The following PLXNA4 variants were observed in gnomAD, a reference collection of about 807,000 sequenced individuals.
PLXNA4 encodes the protein plexin-A4.
In PLXNA4, 44 loss-of-function variants were observed where a neutral mutation model predicts 191.8. The observed-to-expected ratio is 0.23, with a 90% CI of 0.18 to 0.29. PLXNA4 has a LOEUF of 0.29. Ranked by LOEUF, PLXNA4 falls within the 10% of genes least tolerant of loss-of-function variation. The probability of loss-of-function intolerance (pLI) is 1.00; values close to 1 mark genes in which losing one functional copy is unlikely to be tolerated. For missense variants in PLXNA4, 1,800 were observed against 2,488.8 expected, an observed-to-expected ratio of 0.72 and a Z score of 5.89; for synonymous variants, 1,082 against 1,009.5, an observed-to-expected ratio of 1.07 and a Z score of -1.36.
At chr7:132,447,898 C>T (rs1795971932) in intron 3 of PLXNA4, among the ~76,000 whole-genome samples, 1 of 151,938 alleles carries the variant, frequency 6.6e-6, no homozygotes, top group South Asian at 2.1e-4. Context: ...CTGGTCCCAG[C>T]TACTTAGGAG....
chr7:132,173,336 T>C (rs1389370886), intron 21 of PLXNA4, among the ~76,000 whole-genome samples: 1 of 152,078 alleles, frequency 6.6e-6, no homozygotes, highest in Non-Finnish European at 1.5e-5. Context: ...AGGATACACG[T>C]TATGTTTTTA....
intron 3 of PLXNA4, among the ~76,000 whole-genome samples, chr7:132,325,810 G>C (rs1311236717): frequency 6.6e-6 from 1 of 152,126 alleles, no homozygotes; most frequent in African/African-American, 2.4e-5. Flanking sequence ...ACTGACACAC[G>C]TAAGCCCAGT....
In PLXNA4 at chr7:132,180,611, T is replaced by A. The variant is rs1239026039; in HGVS notation, c.3614A>T (p.Asn1205Ile). 1 of 1,614,018 alleles carries A rather than the reference T, an allele frequency of 6.2e-7. No homozygotes were observed. The highest frequency in any genetic ancestry group is 2.2e-5 in the East Asian group (1 of 44,870). Residue 1205 changes from asparagine to isoleucine, a missense_variant, in exon 19 of 32, where the codon AAC becomes ATC. Asn to Ile is a moderately radical substitution (Grantham distance 149). Around this residue, in one of 6 missense-constraint regions of PLXNA4, gnomAD observed 1,397 missense variants for 1,880.4 expected, o/e 0.74. Coordinates refer to ENST00000321063, the MANE Select transcript of PLXNA4 (RefSeq NM_020911.2). ...SDVQLLCESP[N>I]LIGRHKVMAR... ...CATCACTTTGTGCCTGCCGATGAGG[T>A]TGGGGGACTCGCAGAGCAGCTGGAC... is the stretch of plus-strand genomic sequence containing the variant.
intron 4 of PLXNA4, among the ~76,000 whole-genome samples, chr7:132,250,315 C>T (rs1198703217): frequency 6.6e-6 from 1 of 152,204 alleles, no homozygotes; most frequent in Admixed American, 6.5e-5. Flanking sequence ...TAGTACTCAG[C>T]TCATGCGCAG....
At position 132,508,218 on chromosome 7, in the gene PLXNA4, T is replaced by C. The variant is rs1414547923; in HGVS notation, c.476A>G (p.Tyr159Cys). The part of the protein sequence containing the change: ...LGEPYHKKEH[Y>C]LSGVNESGSV... The stretch of plus-strand genomic sequence containing the variant: ...GCCGCTCTCGTTGACACCTGACAGA[T>C]AGTGCTCCTTCTTATGATAAGGCTC... The change falls in exon 2 of 32, where the codon TAT (tyrosine) becomes TGT (cysteine). Residue 159 changes from tyrosine to cysteine, a missense_variant. This residue lies in a region of PLXNA4 where 1,397 missense variants were observed against 1,880.4 expected (regional missense o/e 0.74). Coordinates refer to ENST00000321063, the MANE Select transcript of PLXNA4 (RefSeq NM_020911.2). The surrounding 1 kb of genome is among the most constrained non-coding windows in gnomAD (Gnocchi z 4.4). The C allele has an allele frequency of 6.2e-7, 1 of 1,614,212 alleles. No homozygotes were observed. Among genetic ancestry groups the C allele is most frequent in the Non-Finnish European group, 8.5e-7 (1 of 1,180,030 alleles).
At chr7:132,258,858 A>G (rs1220271618) in intron 4 of PLXNA4, among the ~76,000 whole-genome samples, 1 of 152,226 alleles carries the variant, frequency 6.6e-6, no homozygotes, top group Non-Finnish European at 1.5e-5. Context: ...TAACCACTCA[A>G]TGCAGATATT....
rs1228003895 is a variant in PLXNA4, at chr7:132,612,684, A to AT, written c.-87+33243_-87+33244insA. Among the ~76,000 whole-genome samples, 717 of 150,474 alleles carry AT rather than the reference A, an allele frequency of 4.8e-3. 10 individuals are homozygous for AT. Among genetic ancestry groups the AT allele is most frequent in the African/African-American group, 0.016 (650 of 40,790 alleles). The stretch of plus-strand genomic sequence containing the variant: ...ATCTCAAAAAAAAAAAAAAAAAAAA[A>AT]GTCCTCATCCTGACTCTTTCTCCCT... On this transcript the variant is annotated intron_variant, in intron 2 of 4. Coordinates refer to the PLXNA4 transcript ENST00000378539.
chr7:132,293,152 A>AG (rs1800954609), intron 4 of PLXNA4, among the ~76,000 whole-genome samples: 1 of 152,160 alleles, frequency 6.6e-6, no homozygotes, highest in South Asian at 2.1e-4. Flanking sequence ...TGATGGTAGG[A>AG]GGGGTCCATG....
At chr7:132,365,994 T>C (rs1286125642) in intron 3 of PLXNA4, 2 of 152,220 alleles carry the variant, frequency 1.3e-5, no homozygotes, top group Non-Finnish European at 2.9e-5. Context: ...AGTAGGACTG[T>C]CTAGTTACAG....
chr7:132,395,352 A>T (rs1404278162), intron 3 of PLXNA4, among the ~76,000 whole-genome samples: 1 of 152,202 alleles, frequency 6.6e-6, no homozygotes. Flanking sequence ...AGTGGGGACA[A>T]GATGAATAAG....
At chr7:132,562,718 C>T (rs1190359711) in intron 1 of PLXNA4, among the ~76,000 whole-genome samples, 6 of 112,038 alleles carry the variant, frequency 5.4e-5, no homozygotes, top group East Asian at 2.8e-4. Context: ...CCTCCTCCTC[C>T]TTTTCCTCGT....
rs553090151 is a variant in PLXNA4, at chr7:132,203,534, G to A, written c.2299-115C>T. On this transcript the variant is annotated intron_variant, in intron 10 of 31. Coordinates refer to ENST00000321063, the MANE Select transcript of PLXNA4 (RefSeq NM_020911.2). ...AGCTCACAGGCTAAAGACTGGCCAAGACTGTGCTTGTGTGCATGTGTCTAC... is the reference window on the plus strand; with the variant it reads ...AGCTCACAGGCTAAAGACTGGCCAAAACTGTGCTTGTGTGCATGTGTCTAC... 562 of 864,268 alleles carry A rather than the reference G, an allele frequency of 6.5e-4. 1 individual carries two copies. The highest frequency in any genetic ancestry group is 9.6e-4 in the Non-Finnish European group (507 of 526,540). The allele number at this position is 864,268 out of a possible 1,614,324, so 53.5% of individuals were successfully genotyped here. A position where few individuals can be genotyped will look rare whatever the true frequency, so the allele number is the denominator to read the frequency against.
chr7:132,478,892 A>G (rs575748447), intron 3 of PLXNA4, among the ~76,000 whole-genome samples: 1 of 152,124 alleles, frequency 6.6e-6, no homozygotes, highest in Non-Finnish European at 1.5e-5. Flanking sequence ...AAGACAACCC[A>G]TCTCTTTCCT....
intron 5 of PLXNA4, among the ~76,000 whole-genome samples, chr7:132,238,041 T>G (rs999677180): frequency 6.6e-6 from 1 of 152,118 alleles, no homozygotes; most frequent in Admixed American, 6.5e-5. Context: ...ATTTTGCCGC[T>G]TAAAATAGTC....
Position 132,508,687 on chromosome 7 carries a change from C to G in PLXNA4, c.7G>C (p.Ala3Pro). ...AGGCAGGTCCAGTTCCAGGGCATGG[C>G]TTTCATGGCAGAGGCGGGTCCCAGT... is the stretch of plus-strand genomic sequence containing the variant. MKAMPWNWTCLLS... is the reference protein window; with the variant it reads MKPMPWNWTCLLS... Residue 3 changes from alanine to proline, a missense_variant, in exon 2 of 32, where the codon GCC becomes CCC. Ala to Pro is a conservative substitution (Grantham distance 27). Transcript: ENST00000321063. The surrounding 1 kb of genome is among the most constrained non-coding windows in gnomAD (Gnocchi z 4.4). The G allele has an allele frequency of 6.6e-7, 1 of 1,515,200 alleles. No homozygotes were observed. The highest frequency in any genetic ancestry group is 2.1e-5 in the Admixed American group (1 of 48,590). 93.9% of individuals were successfully genotyped at this position (1,515,200 alleles called of 1,614,324 possible).
At chr7:132,466,253 C>T (rs1044400193) in intron 3 of PLXNA4, among the ~76,000 whole-genome samples, 8 of 152,090 alleles carry the variant, frequency 5.3e-5, no homozygotes, top group Non-Finnish European at 8.8e-5. Context: ...CTGTAGGTCT[C>T]GGGCAGGAGT....
chr7:132,220,591 G>A (rs1449916793), intron 9 of PLXNA4, among the ~76,000 whole-genome samples: 1 of 152,038 alleles, frequency 6.6e-6, no homozygotes, highest in African/African-American at 2.4e-5. Context: ...AGTACATACA[G>A]CTCCATATCC....
intron 21 of PLXNA4, 113 bp downstream of exon 21, chr7:132,174,665 A>C: frequency 6.7e-7 from 1 of 1,497,110 alleles, no homozygotes; most frequent in Non-Finnish European, 9.0e-7. Context: ...ACCTTGGGCA[A>C]GTTGTGTCCC....
chr7:132,169,970 C>T (rs962447320), intron 21 of PLXNA4, among the ~76,000 whole-genome samples: 8 of 152,010 alleles, frequency 5.3e-5, no homozygotes, highest in East Asian at 1.9e-4. Context: ...GTGGGAGGGA[C>T]GGCCTGGGGA....
Sources: allele counts gnomAD v4.1 joint callset (sites outside exome capture counted in the v4.1 genomes callset), GRCh38; gene constraint gnomAD v4.1.1; regional missense constraint gnomAD v4.1.1; non-coding constraint Gnocchi (gnomAD v3.1); transcripts MANE v1.5; gene names NCBI Gene and HGNC (gene_info 2026-07-23, HGNC 2026-07-21).